The following SYBU variants were observed in gnomAD, a reference collection of about 807,000 sequenced individuals.
SYBU encodes GOLSYN A protein.
SYBU carries 21 observed loss-of-function variants against 35.9 expected under a neutral mutation model. That is an observed-to-expected ratio of 0.58 (90% CI 0.41 to 0.84). The LOEUF (loss-of-function observed/expected upper bound fraction) is 0.84. SYBU is among the 40% of genes least tolerant of loss of function. The probability of loss-of-function intolerance (pLI) is 0.00; values close to 1 mark genes in which losing one functional copy is unlikely to be tolerated. For synonymous variants in SYBU, 319 were observed against 324.3 expected (o/e 0.98, Z 0.18); for missense variants, 768 against 848.2 (o/e 0.91, Z 1.17).
chr8:109,604,582 A>C (rs1825873915), intron 3 of SYBU, among the ~76,000 whole-genome samples: 1 of 152,212 alleles, frequency 6.6e-6, no homozygotes, highest in South Asian at 2.1e-4. Flanking sequence ...GAAGAAAAGG[A>C]AGGGTGGAAA....
chr8:109,665,480 G>T (rs948159781), intron 1 of SYBU, among the ~76,000 whole-genome samples: 1 of 152,190 alleles, frequency 6.6e-6, no homozygotes, highest in Non-Finnish European at 1.5e-5. Context: ...AATTAAGTGG[G>T]TAAGGCATAC....
Position 109,618,925 on chromosome 8 carries a change from T to G in SYBU, c.344A>C (p.Lys115Thr), listed in dbSNP as rs1812124944. ...PGSDEGFTRKKCTIGMVGEGS... is the reference protein window; with the variant it reads ...PGSDEGFTRKTCTIGMVGEGS... The stretch of plus-strand genomic sequence containing the variant: ...TTCACCAACCATTCCAATCGTGCAT[T>G]TCTTTCTGGTGAAGCCTTCATCACT... Residue 115 changes from lysine (K) to threonine (T), a missense_variant, in exon 3 of 7, where the codon AAA becomes ACA. Lys to Thr is a moderately conservative substitution (Grantham distance 78). Transcript: ENST00000276646. 6.2e-7 allele frequency: 1 copy of G among 1,614,208 alleles called. No individual in the cohort carries two copies. Among genetic ancestry groups the G allele is most frequent in the Non-Finnish European group, 8.5e-7 (1 of 1,180,028 alleles).
At chr8:109,636,064 C>A (rs775841534) in intron 2 of SYBU, among the ~76,000 whole-genome samples, 1 of 152,128 alleles carries the variant, frequency 6.6e-6, no homozygotes. Context: ...ACATTACTTG[C>A]CTAGTTCCTG....
intron 1 of SYBU, among the ~76,000 whole-genome samples, chr8:109,687,002 A>C (rs985655959): frequency 1.3e-5 from 2 of 152,188 alleles, no homozygotes; most frequent in African/African-American, 4.8e-5. Context: ...ATATTATGAT[A>C]ATAAATACCA....
chr8:109,619,128 G>T, intron 2 of SYBU, 89 bp from the exon 3 acceptor site: 1 of 949,660 alleles, frequency 1.1e-6, no homozygotes, highest in Non-Finnish European at 1.6e-6. Context: ...ACACGCACAC[G>T]TGCACTCGCA....
At chr8:109,677,026 G>C (rs1374310794) in intron 1 of SYBU, among the ~76,000 whole-genome samples, 1 of 149,856 alleles carries the variant, frequency 6.7e-6, no homozygotes, top group Non-Finnish European at 1.5e-5. Flanking sequence ...CTGTCTTTCA[G>C]GGTGTTCATG....
At chr8:109,674,818 A>ACAC (rs1252547185) in intron 1 of SYBU, among the ~76,000 whole-genome samples, 5 of 152,344 alleles carry the variant, frequency 3.3e-5, no homozygotes, top group African/African-American at 1.2e-4. Context: ...AGAACTCTCT[A>ACAC]CACCAAGTCA....
At chr8:109,684,801 A>G (rs1481346105), upstream of SYBU, among the ~76,000 whole-genome samples, 1 of 152,162 alleles carries the variant, frequency 6.6e-6, no homozygotes, top group Non-Finnish European at 1.5e-5. Flanking sequence ...TTCTTTCTAC[A>G]TAAACCCAAA....
intron 1 of SYBU, among the ~76,000 whole-genome samples, chr8:109,657,236 C>A (rs1373971152): frequency 6.6e-6 from 1 of 152,100 alleles, no homozygotes; most frequent in Non-Finnish European, 1.5e-5. Context: ...CTTCATTTTG[C>A]CACAGTGGCT....
intron 1 of SYBU, chr8:109,680,324 A>T (rs1817355407): frequency 6.6e-6 from 1 of 152,254 alleles, no homozygotes; most frequent in Admixed American, 6.5e-5. Flanking sequence ...TACTATAGTT[A>T]GCAGCTCTCT....
intron 2 of SYBU, among the ~76,000 whole-genome samples, chr8:109,638,739 T>C (rs1211219265): frequency 1.3e-5 from 2 of 152,214 alleles, no homozygotes; most frequent in East Asian, 3.8e-4. Context: ...ACTAAGGTCA[T>C]AGCGACCAAG....
intron 2 of SYBU, among the ~76,000 whole-genome samples, chr8:109,638,515 T>TAAACAAACAAAC (rs142943037): frequency 6.6e-6 from 1 of 152,028 alleles, no homozygotes; most frequent in Non-Finnish European, 1.5e-5. Context: ...AACGCTGGTT[T>TAAACAAACAAAC]AAACAAACAA....
intron 3 of SYBU, among the ~76,000 whole-genome samples, chr8:109,590,316 G>C (rs1824072963): frequency 6.6e-6 from 1 of 151,982 alleles, no homozygotes. Context: ...TTTAGTTTTT[G>C]CAAATTACTT....
At chr8:109,622,270 C>T (rs1476129202) in intron 2 of SYBU, among the ~76,000 whole-genome samples, 1 of 151,816 alleles carries the variant, frequency 6.6e-6, no homozygotes, top group Non-Finnish European at 1.5e-5. Context: ...CTCGCTCTGT[C>T]GCCTAGGCTG....
chr8:109,643,219 A>AT (rs1397211095), intron 1 of SYBU: 1 of 1,092,458 alleles, frequency 9.2e-7, no homozygotes, highest in Non-Finnish European at 1.1e-6. Flanking sequence ...CTACTTCCCT[A>AT]TGCTGGTCCT....
intron 1 of SYBU, 50 bp from the exon 2 acceptor site, chr8:109,642,982 T>C (rs1375950349): frequency 4.1e-6 from 6 of 1,454,126 alleles, no homozygotes; most frequent in Non-Finnish European, 5.5e-6. Context: ...CGTTTCCCTC[T>C]CTTAACTCCT....
upstream of SYBU, chr8:109,646,063 T>C (rs1815664266): frequency 6.6e-6 from 1 of 152,220 alleles, no homozygotes; most frequent in Admixed American, 6.5e-5. Flanking sequence ...TTAAGAAAGC[T>C]CGAAAATCTG....
chr8:109,632,230 G>A (rs962118455), intron 2 of SYBU, among the ~76,000 whole-genome samples: 6 of 152,034 alleles, frequency 3.9e-5, no homozygotes, highest in African/African-American at 1.4e-4. Flanking sequence ...TAGTAAAGTC[G>A]GGGTTTTGTC....
intron 1 of SYBU, among the ~76,000 whole-genome samples, chr8:109,675,618 A>G (rs1162599961): frequency 6.6e-6 from 1 of 152,192 alleles, no homozygotes; most frequent in African/African-American, 2.4e-5. Flanking sequence ...TAGACCAATA[A>G]CAAGTTCTGA....
Sources: allele counts gnomAD v4.1 joint callset (sites outside exome capture counted in the v4.1 genomes callset), GRCh38; gene constraint gnomAD v4.1.1; transcripts MANE v1.5; gene names NCBI Gene and HGNC (gene_info 2026-07-23, HGNC 2026-07-21).